Variants in EPG5 observed in about 807,000 individuals in gnomAD.
The protein encoded by EPG5 is ectopic P-granules 5 autophagy tethering factor.
Under a neutral mutation model 302.7 loss-of-function variants are expected in EPG5, and 159 were observed. The observed-to-expected ratio is 0.53, with a 90% CI of 0.46 to 0.60. EPG5 has a LOEUF of 0.60. EPG5 is among the 20% of genes least tolerant of loss of function. The probability of loss-of-function intolerance (pLI) is 0.00; values close to 1 mark genes in which losing one functional copy is unlikely to be tolerated. For synonymous variants in EPG5, 1,158 were observed against 1,136.8 expected, an observed-to-expected ratio of 1.02 and a Z score of -0.37; for missense variants, 2,896 against 3,092.4, an observed-to-expected ratio of 0.94 and a Z score of 1.51.
chr18:45,903,880 T>C (rs2049683247), intron 25 of EPG5, 93 bp downstream of exon 25: 2 of 1,302,140 alleles, frequency 1.5e-6, no homozygotes, highest in Non-Finnish European at 2.1e-6. Context: ...AAATGAACAC[T>C]GGGGGAATAA....
chr18:45,943,932 G>C (rs1005225312), intron 8 of EPG5, 73 bp downstream of exon 8: 43 of 909,720 alleles, frequency 4.7e-5, no homozygotes, highest in Admixed American at 2.1e-4. Flanking sequence ...AAAAAAAAAA[G>C]AAGACTCAAT....
At chr18:45,908,133 C>T (rs2049803330) in intron 23 of EPG5, 52 bp from the exon 24 acceptor site, 4 of 1,397,104 alleles carry the variant, frequency 2.9e-6, no homozygotes, top group Non-Finnish European at 3.9e-6. Context: ...AGCATACAAA[C>T]AAAGCTTCTT....
chr18:45,881,712 T>C (rs944936178), intron 31 of EPG5, among the ~76,000 whole-genome samples: 5 of 152,138 alleles, frequency 3.3e-5, no homozygotes, highest in Non-Finnish European at 7.3e-5. Context: ...TATAGAAAAT[T>C]GTAAGAAGGG....
In EPG5 at chr18:45,860,280, T is replaced by C. The variant is rs1361988763; in HGVS notation, c.6833A>G (p.Asn2278Ser). 6.2e-7 allele frequency: 1 copy of C among 1,614,134 alleles called. No homozygotes were observed. The highest frequency in any genetic ancestry group is 1.3e-5 in the African/African-American group (1 of 74,956). ...SLFMEVLMMM[N>S]NATIPTAEFL... is the part of the protein sequence containing the mutation. ...CTCTGCTGTTGGAATAGTCGCGTTG[T>C]TCATCATCATCAGGACTTCCATAAA... Residue 2278 changes from asparagine (N) to serine (S), a missense_variant, in exon 40 of 44, where the codon AAC (asparagine) becomes AGC (serine). This residue lies in a region of EPG5 where 620 missense variants were observed against 704.2 expected (regional missense o/e 0.88). Coordinates refer to ENST00000282041, the MANE Select transcript of EPG5 (RefSeq NM_020964.3).
chr18:45,939,205 A>G (rs2050606635), intron 10 of EPG5, among the ~76,000 whole-genome samples: 1 of 152,202 alleles, frequency 6.6e-6, no homozygotes, highest in African/African-American at 2.4e-5. Flanking sequence ...CCGGAAGGCA[A>G]ATTGAACAAT....
chr18:45,837,122 A>T, the EPG5 span: 1 of 1,611,236 alleles, frequency 6.2e-7, no homozygotes, highest in Non-Finnish European at 8.5e-7. Context: ...CATCTCGGGG[A>T]TCTTGGGAGT....
intron 34 of EPG5, among the ~76,000 whole-genome samples, chr18:45,877,292 A>G (rs2048994314): frequency 6.6e-6 from 1 of 152,122 alleles, no homozygotes. Flanking sequence ...GGTAGCATGC[A>G]TTTGTAATTC....
At chr18:45,813,243 A>G in the EPG5 span, among the ~76,000 whole-genome samples, 11 of 152,268 alleles carry the variant, frequency 7.2e-5, no homozygotes, top group South Asian at 8.3e-4. Flanking sequence ...TTAGAATGGC[A>G]ATCATTAAAA....
chr18:45,804,349 T>A, the EPG5 span, among the ~76,000 whole-genome samples: 2 of 151,662 alleles, frequency 1.3e-5, no homozygotes, highest in African/African-American at 4.9e-5. Context: ...GGACATGGGG[T>A]AGAAAAAAAT....
chr18:45,831,913 T>G, the EPG5 span, among the ~76,000 whole-genome samples: 1 of 152,108 alleles, frequency 6.6e-6, no homozygotes. Flanking sequence ...AATTTTTGTG[T>G]TTTTAGTAGA....
intron 25 of EPG5, among the ~76,000 whole-genome samples, chr18:45,903,010 G>A (rs1223059315): frequency 2.6e-5 from 4 of 152,140 alleles, no homozygotes; most frequent in African/African-American, 7.2e-5. Flanking sequence ...TAACTCCAGC[G>A]AAAACAATTC....
At chr18:45,903,236 A>G (rs929008645) in intron 25 of EPG5, among the ~76,000 whole-genome samples, 2 of 151,990 alleles carry the variant, frequency 1.3e-5, no homozygotes, top group African/African-American at 2.4e-5. Flanking sequence ...AAATTAATAT[A>G]TATCTTTTAT....
At position 45,954,378 on chromosome 18, in the gene EPG5, C is replaced by T. The variant is rs938976280; in HGVS notation, c.1008+16G>A. 14 of 1,569,300 alleles carry T rather than the reference C, an allele frequency of 8.9e-6. No homozygotes were observed. The African/African-American group carries it at 1.5e-4, about 17-fold the overall frequency. Reference sequence around the variant, plus strand: ...GCAGCTCCGCTGCAAATTCCCCAGGCTTCTGATCAAAATACCTGTACAGAC... The same window carrying T: ...GCAGCTCCGCTGCAAATTCCCCAGGTTTCTGATCAAAATACCTGTACAGAC... On this transcript the variant is annotated intron_variant, in intron 2 of 43. Coordinates refer to ENST00000282041, the MANE Select transcript of EPG5 (RefSeq NM_020964.3).
chr18:45,951,364 G>A (rs2050905633), intron 3 of EPG5, 126 bp from the exon 4 acceptor site: 23 of 569,940 alleles, frequency 4.0e-5, no homozygotes, highest in Non-Finnish European at 6.0e-5. Context: ...AAGGAGAAAA[G>A]TTACATCAAA....
intron 14 of EPG5, 145 bp downstream of exon 14, chr18:45,925,593 A>G: frequency 3.8e-6 from 2 of 532,096 alleles, no homozygotes; most frequent in Non-Finnish European, 6.2e-6. Flanking sequence ...AGAATTAAAC[A>G]GAAAATCCTA....
chr18:45,834,861 T>A, the EPG5 span, among the ~76,000 whole-genome samples: 6 of 152,134 alleles, frequency 3.9e-5, no homozygotes, highest in Non-Finnish European at 7.3e-5. Flanking sequence ...TCACAGAAAG[T>A]GAGAAATAGC....
At chr18:45,809,654 AAAAAGTT>A in the EPG5 span, among the ~76,000 whole-genome samples, 1 of 152,362 alleles carries the variant, frequency 6.6e-6, no homozygotes, top group Non-Finnish European at 1.5e-5. Context: ...GATGAAAATT[AAAAAGTT>A]CTTTGAACTA....
chr18:45,889,052 C>G (rs2049280354), intron 28 of EPG5, among the ~76,000 whole-genome samples: 1 of 152,126 alleles, frequency 6.6e-6, no homozygotes, highest in African/African-American at 2.4e-5. Context: ...AAACATCAAC[C>G]TCTTGTTTGC....
At chr18:45,912,996 G>C (rs565110965) in intron 21 of EPG5, among the ~76,000 whole-genome samples, 31 of 151,812 alleles carry the variant, frequency 2.0e-4, no homozygotes, top group Non-Finnish European at 4.1e-4. Context: ...GCTGAGGCAT[G>C]AGAATTGCTT....
Sources: gnomAD v4.1 joint callset for allele counts (sites outside exome capture counted in the v4.1 genomes callset) on GRCh38, gnomAD v4.1.1 for gene constraint, gnomAD v4.1.1 regional missense constraint, MANE v1.5 for transcripts, NCBI Gene and HGNC (gene_info 2026-07-23, HGNC 2026-07-21) for gene names.